Variants in BEND3 observed in about 807,000 individuals in gnomAD.
BEND3 encodes the protein BEN domain containing 3, also known as BEN domain-containing protein 3.
In BEND3, 13 loss-of-function variants were observed where a neutral mutation model predicts 60.1. The observed-to-expected ratio is 0.22, with a 90% CI of 0.14 to 0.34. The LOEUF (loss-of-function observed/expected upper bound fraction) is 0.34. BEND3 is among the 10% of genes least tolerant of loss of function. The pLI, the probability that BEND3 is intolerant of heterozygous loss-of-function variation, is 1.00. For missense variants in BEND3, 896 were observed against 1,138.1 expected, an observed-to-expected ratio of 0.79 and a Z score of 3.06; for synonymous variants, 497 against 491.5, an observed-to-expected ratio of 1.01 and a Z score of -0.15.
chr6:107,110,581 CAG>C (rs1775921079), intron 1 of BEND3, among the ~76,000 whole-genome samples: 1 of 152,058 alleles, frequency 6.6e-6, no homozygotes, highest in South Asian at 2.1e-4. Flanking sequence ...CTTTTTGAGA[CAG>C]AGTCTTGCTC....
At chr6:107,074,896 T>C (rs1208782231) in intron 3 of BEND3, among the ~76,000 whole-genome samples, 1 of 151,862 alleles carries the variant, frequency 6.6e-6, no homozygotes, top group Non-Finnish European at 1.5e-5. Context: ...GGTCAGGAGA[T>C]TGAGACCATC....
chr6:107,113,444 AAAAAAAAAAC>A (rs1268405932), intron 1 of BEND3, among the ~76,000 whole-genome samples: 21 of 139,684 alleles, frequency 1.5e-4, no homozygotes, highest in Non-Finnish European at 3.1e-4. Context: ...TCTCAAAAAA[AAAAAAAAAAC>A]AAAAAAAAAA....
chr6:107,099,377 T>C, intron 1 of BEND3, 81 bp from the exon 2 acceptor site: 2 of 1,260,642 alleles, frequency 1.6e-6, no homozygotes, highest in South Asian at 2.5e-5. Context: ...AAAATCCTCT[T>C]ACCCTCCCAA....
intron 3 of BEND3, among the ~76,000 whole-genome samples, chr6:107,098,288 C>A (rs1775629955): frequency 6.6e-6 from 1 of 152,232 alleles, no homozygotes; most frequent in Admixed American, 6.5e-5. Flanking sequence ...CTGCTTTCCC[C>A]CACAAAGCAC....
chr6:107,079,507 G>A (rs1228284270), intron 3 of BEND3, among the ~76,000 whole-genome samples: 1 of 152,184 alleles, frequency 6.6e-6, no homozygotes, highest in African/African-American at 2.4e-5. Context: ...TTCAGGAGCT[G>A]TAAACATCCA....
chr6:107,078,089 C>A (rs1049706404), intron 3 of BEND3, among the ~76,000 whole-genome samples: 2 of 152,200 alleles, frequency 1.3e-5, no homozygotes, highest in South Asian at 4.1e-4. Flanking sequence ...AAGTCCTCTC[C>A]AACAGAGGTG....
At chr6:107,076,271 C>T (rs183136495) in intron 3 of BEND3, among the ~76,000 whole-genome samples, 31 of 152,294 alleles carry the variant, frequency 2.0e-4, no homozygotes, top group African/African-American at 7.2e-4. Flanking sequence ...ATCTGTGCTA[C>T]TTGGCACTGG....
Position 107,070,311 on chromosome 6 carries a change from C to T in BEND3, c.880G>A (p.Ala294Thr). ...FSRGCSACGF[A>T]AKRKLESLHL... is the part of the protein sequence containing the mutation. ...AGCGACTCCAGCTTGCGCTTGGCCGCAAAGCCACAGGCACTGCAGCCCCGG... is the reference window on the plus strand; with the variant it reads ...AGCGACTCCAGCTTGCGCTTGGCCGTAAAGCCACAGGCACTGCAGCCCCGG... The change falls in exon 4 of 4, where the codon GCG (alanine) becomes ACG (threonine). Residue 294 changes from alanine to threonine, a missense_variant. Physicochemically the swap from Ala to Thr is moderately conservative, Grantham distance 58. Coordinates refer to ENST00000369042, the MANE Select transcript of BEND3 (RefSeq NM_001367314.1). This position sits in a 1 kb window ranked among gnomAD's most constrained non-coding sequence, Gnocchi z 6.9. The T allele has an allele frequency of 6.2e-7, 1 of 1,613,102 alleles. No individual in the cohort carries two copies. The highest frequency in any genetic ancestry group is 2.2e-5 in the East Asian group (1 of 44,870).
At chr6:107,113,294 G>C (rs1465962779) in intron 1 of BEND3, among the ~76,000 whole-genome samples, 1 of 151,702 alleles carries the variant, frequency 6.6e-6, no homozygotes, top group Non-Finnish European at 1.5e-5. Flanking sequence ...ACATTAGCAA[G>C]GCATGGTGGC....
chr6:107,073,233 A>C (rs1354075252), intron 3 of BEND3, among the ~76,000 whole-genome samples: 1 of 17,412 alleles, frequency 5.7e-5, no homozygotes, highest in African/African-American at 1.5e-4. Flanking sequence ...ATATATATAT[A>C]TATATATATA....
rs886361342 is a variant in BEND3 at position 107,099,813 on chromosome 6, T to C, written c.-11-517A>G. On this transcript the variant is annotated intron_variant, in intron 1 of 3. Transcript: ENST00000369042. ...TAGTCCAATGGAGATGTGCTATAAG[T>C]GTAAAATACACACCAAATCTCAGAC... 3.3e-5 allele frequency among the ~76,000 whole-genome samples: 5 copies of C among 152,012 alleles called. No individual in the cohort carries two copies. In the South Asian group the frequency reaches 8.3e-4, roughly 25 times the overall value.
intron 3 of BEND3, among the ~76,000 whole-genome samples, chr6:107,084,401 GA>G (rs1167473907): frequency 6.6e-6 from 1 of 152,210 alleles, no homozygotes; most frequent in African/African-American, 2.4e-5. Flanking sequence ...TGTCTAGCTA[GA>G]GGATTGTAAA....
intron 3 of BEND3, among the ~76,000 whole-genome samples, chr6:107,085,183 G>A (rs1325003066): frequency 6.6e-6 from 1 of 152,140 alleles, no homozygotes; most frequent in Non-Finnish European, 1.5e-5. Context: ...GCGAGACCAC[G>A]AACCCACCGG....
chr6:107,107,756 C>T (rs1582674021), intron 1 of BEND3, among the ~76,000 whole-genome samples: 1 of 152,182 alleles, frequency 6.6e-6, no homozygotes, highest in East Asian at 1.9e-4. Context: ...GCCATCCCGC[C>T]CAGCCTAAAG....
chr6:107,101,483 C>G (rs924453320), intron 1 of BEND3, among the ~76,000 whole-genome samples: 9 of 152,100 alleles, frequency 5.9e-5, no homozygotes, highest in Non-Finnish European at 7.4e-5. Flanking sequence ...AGGCACAATT[C>G]TTTTCATCCC....
chr6:107,067,658 T>C lies in BEND3; in HGVS notation c.*1046A>G, dbSNP rs1774861466. 1 of 152,258 alleles carries C rather than the reference T, an allele frequency of 6.6e-6. No homozygotes were observed. 9.4% of individuals were successfully genotyped at this position (152,258 alleles called of 1,614,324 possible). On this transcript the variant is annotated 3_prime_UTR_variant, in exon 4 of 4. Coordinates refer to ENST00000369042, the MANE Select transcript of BEND3 (RefSeq NM_001367314.1). ...CCAGACCTGGGCCCGCCCTGAGGAA[T>C]GAGGATGTAGTACTGCCTGGAGTAG...
chr6:107,114,321 G>C (rs1770209362), intron 1 of BEND3: 1 of 152,154 alleles, frequency 6.6e-6, no homozygotes, highest in Non-Finnish European at 1.5e-5. Context: ...GCGCCAGCCC[G>C]GGTGCACACC....
intron 1 of BEND3, among the ~76,000 whole-genome samples, chr6:107,113,243 C>T (rs2115044157): frequency 6.6e-6 from 1 of 151,946 alleles, no homozygotes. Context: ...GGAAACCAGC[C>T]TGGGCAACAT....
intron 3 of BEND3, among the ~76,000 whole-genome samples, chr6:107,077,378 T>C (rs1554232894): frequency 6.6e-6 from 1 of 152,090 alleles, no homozygotes; most frequent in Non-Finnish European, 1.5e-5. Flanking sequence ...ACCTGCTCTG[T>C]TTCTGACCTG....
Sources: gnomAD v4.1 joint callset for allele counts (sites outside exome capture counted in the v4.1 genomes callset) on GRCh38, gnomAD v4.1.1 for gene constraint, Gnocchi (gnomAD v3.1) non-coding constraint, MANE v1.5 for transcripts, NCBI Gene and HGNC (gene_info 2026-07-23, HGNC 2026-07-21) for gene names.